The following PHEX variants were observed in gnomAD, a reference collection of about 807,000 sequenced individuals.
The protein encoded by PHEX is phosphate-regulating neutral endopeptidase PHEX.
PHEX carries 16 observed loss-of-function variants against 68.0 expected under a neutral mutation model. That is an observed-to-expected ratio of 0.24 (90% confidence interval 0.16 to 0.36). The LOEUF (loss-of-function observed/expected upper bound fraction) is 0.36, where lower values mean the gene tolerates loss of function less well. Ranked by LOEUF, PHEX falls within the 10% of genes least tolerant of loss-of-function variation. PHEX has a pLI of 1.00. For synonymous variants in PHEX, 208 were observed against 205.1 expected, an observed-to-expected ratio of 1.01 and a Z score of -0.12; for missense variants, 480 against 575.5, an observed-to-expected ratio of 0.83 and a Z score of 1.70.
chrX:22,177,882 G>C (rs1302822098), intron 13 of PHEX, among the ~76,000 whole-genome samples: 2 of 111,829 alleles, frequency 1.8e-5, no homozygotes, highest in African/African-American at 6.5e-5. Flanking sequence ...AAAAACTTAC[G>C]TGACAAATTA....
intron 20 of PHEX, 21 bp downstream of exon 20, chrX:22,227,632 G>C (rs751438949): frequency 1.1e-5 from 12 of 1,067,552 alleles, no homozygotes. Context: ...TGAGGAAGGG[G>C]CATCAGGGAT....
At position 22,234,612 on chromosome X, in the gene PHEX, T is replaced by TC. The variant is rs201565724; in HGVS notation, c.2070+7009dup. Among the ~76,000 whole-genome samples the TC allele has an allele frequency of 9.8e-3, 1,060 of 108,016 alleles. 8 individuals are homozygous for TC. The highest frequency in any genetic ancestry group is 0.021 in the South Asian group (52 of 2,506). 93.8% of individuals were successfully genotyped at this position (108,016 alleles called of 115,157 possible). A position where few individuals can be genotyped will look rare whatever the true frequency, so the allele number is the denominator to read the frequency against. ...AGCCTCAGCATTGGGGAACGCCCCT[T>TC]CCCCCCCCAAGCTCAAGTGTCCCAG... On this transcript the variant is annotated intron_variant, in intron 20 of 21. Coordinates refer to ENST00000379374, the MANE Select transcript of PHEX (RefSeq NM_000444.6).
chrX:22,086,890 C>A (rs1361212274), intron 5 of PHEX, among the ~76,000 whole-genome samples: 4 of 112,196 alleles, frequency 3.6e-5, no homozygotes, highest in African/African-American at 1.3e-4. Flanking sequence ...AAAAAACATA[C>A]TTTATTTTCT....
At chrX:22,110,858 G>A (rs1321091687) in intron 9 of PHEX, among the ~76,000 whole-genome samples, 1 of 112,300 alleles carries the variant, frequency 8.9e-6, no homozygotes, top group African/African-American at 3.2e-5. Flanking sequence ...CAGGGCACCA[G>A]GCAGGATCCA....
chrX:22,093,646 G>C (rs1331410694), intron 6 of PHEX, among the ~76,000 whole-genome samples: 1 of 112,097 alleles, frequency 8.9e-6, no homozygotes, highest in Non-Finnish European at 1.9e-5. Flanking sequence ...TGTCTGGAAA[G>C]AGGAAGTCTG....
At chrX:22,144,141 T>C (rs1932577706) in intron 12 of PHEX, among the ~76,000 whole-genome samples, 1 of 111,385 alleles carries the variant, frequency 9.0e-6, no homozygotes, top group African/African-American at 3.3e-5. Flanking sequence ...CTATTTTTAC[T>C]GAGTGGAACA....
chrX:22,160,208 A>G (rs1933073088), intron 12 of PHEX, among the ~76,000 whole-genome samples: 1 of 111,653 alleles, frequency 9.0e-6, no homozygotes. Flanking sequence ...GGCGGAAGGC[A>G]AAGGAAGAGC....
At chrX:22,234,012 T>C (rs1231227967) in intron 20 of PHEX, among the ~76,000 whole-genome samples, 3 of 112,550 alleles carry the variant, frequency 2.7e-5, no homozygotes, top group African/African-American at 9.7e-5. Context: ...AGACGTGCTG[T>C]TCCTTTCTGT....
At chrX:22,108,491 C>T (rs1342527895) in intron 9 of PHEX, among the ~76,000 whole-genome samples, 1 of 110,910 alleles carries the variant, frequency 9.0e-6, no homozygotes, top group Non-Finnish European at 1.9e-5. Flanking sequence ...AAACCATTTA[C>T]ATCCCCAAAA....
intron 14 of PHEX, among the ~76,000 whole-genome samples, chrX:22,181,784 C>A (rs780057462): frequency 1.8e-5 from 2 of 111,277 alleles, no homozygotes; most frequent in Admixed American, 9.6e-5. Flanking sequence ...ATTGTGGAGA[C>A]CTTTCACTTC....
intron 15 of PHEX, among the ~76,000 whole-genome samples, chrX:22,193,334 A>G (rs1001898595): frequency 1.8e-5 from 2 of 111,415 alleles, no homozygotes; most frequent in African/African-American, 6.5e-5. Context: ...ATATATGAAA[A>G]CATGACGAAA....
chrX:22,239,511 G>GCTAA (rs1259674460), intron 20 of PHEX, among the ~76,000 whole-genome samples: 1 of 110,834 alleles, frequency 9.0e-6, no homozygotes, highest in African/African-American at 3.3e-5. Context: ...TAGAGGAACT[G>GCTAA]CTAACTAGAA....
chrX:22,219,234 T>G (rs1935190183), intron 17 of PHEX, 131 bp downstream of exon 17: 3 of 517,508 alleles, frequency 5.8e-6, no homozygotes, highest in Non-Finnish European at 1.0e-5. Flanking sequence ...ATATGATTGC[T>G]GATTGAAAAC....
chrX:22,246,686 T>C (rs1348067507), intron 21 of PHEX, among the ~76,000 whole-genome samples: 1 of 112,431 alleles, frequency 8.9e-6, no homozygotes, highest in African/African-American at 3.2e-5. Flanking sequence ...AATTATCAAC[T>C]GTATTCTATC....
chrX:22,079,453 A>T (rs1929293681), intron 5 of PHEX, among the ~76,000 whole-genome samples: 3 of 112,078 alleles, frequency 2.7e-5, no homozygotes, highest in East Asian at 5.6e-4. Flanking sequence ...ATAGCAAATT[A>T]AAAATATATC....
At chrX:22,096,054 A>G (rs1445619805) in intron 7 of PHEX, among the ~76,000 whole-genome samples, 1 of 111,738 alleles carries the variant, frequency 8.9e-6, no homozygotes, top group African/African-American at 3.3e-5. Context: ...CCTGAGTCAT[A>G]GTTCAAACCA....
Position 22,219,083 on chromosome X carries a change from C to T in PHEX, c.1748C>T (p.Thr583Ile), listed in dbSNP as rs762728667. ...AIGVIVGHEF[T>I]HGFDNNGRKY... Reference sequence around the variant, plus strand: ...GGAGTAATTGTCGGACATGAATTTACACATGGATTTGATAATAATGGTAAG... The same window carrying T: ...GGAGTAATTGTCGGACATGAATTTATACATGGATTTGATAATAATGGTAAG... Residue 583 changes from threonine (T) to isoleucine (I), a missense_variant, in exon 17 of 22, where the codon ACA becomes ATA. Transcript: ENST00000379374. 8.5e-7 allele frequency: 1 copy of T among 1,177,761 alleles called. No homozygotes were observed. Among genetic ancestry groups the T allele is most frequent in the South Asian group, 1.8e-5 (1 of 56,219 alleles).
chrX:22,116,144 A>G (rs909548830), intron 11 of PHEX, among the ~76,000 whole-genome samples: 2 of 111,866 alleles, frequency 1.8e-5, no homozygotes, highest in African/African-American at 6.5e-5. Flanking sequence ...TTTTGATCAT[A>G]GCCATCCTAA....
intron 12 of PHEX, among the ~76,000 whole-genome samples, chrX:22,167,028 C>T (rs1468762706): frequency 8.9e-6 from 1 of 111,927 alleles, no homozygotes; most frequent in African/African-American, 3.2e-5. Context: ...ACATATACTA[C>T]ATTTTTAATC....
Sources: gnomAD v4.1 joint callset for allele counts (sites outside exome capture counted in the v4.1 genomes callset) on GRCh38, gnomAD v4.1.1 for gene constraint, MANE v1.5 for transcripts, NCBI Gene and HGNC (gene_info 2026-07-23, HGNC 2026-07-21) for gene names.